The following LINGO1 variants were observed in gnomAD, a reference collection of about 807,000 sequenced individuals.
LINGO1 encodes the protein leucine-rich repeat and immunoglobulin-like domain-containing nogo receptor-interacting protein 1.
LINGO1 carries 11 observed loss-of-function variants against 37.3 expected under a neutral mutation model. The observed-to-expected ratio is 0.29, with a 90% CI of 0.19 to 0.49. The LOEUF is 0.49. Among genes scored for constraint, LINGO1 ranks in the 20% least tolerant of loss-of-function variants. The pLI, the probability that LINGO1 is intolerant of heterozygous loss-of-function variation, is 0.99. For synonymous variants in LINGO1, 387 were observed against 403.0 expected, an observed-to-expected ratio of 0.96 and a Z score of 0.48; for missense variants, 585 against 878.2, an observed-to-expected ratio of 0.67 and a Z score of 4.22.
intron 1 of LINGO1, among the ~76,000 whole-genome samples, chr15:77,738,867 G>T (rs1234614557): frequency 6.6e-6 from 1 of 152,200 alleles, no homozygotes; most frequent in African/African-American, 2.4e-5. Context: ...CGAAGCCTGT[G>T]TTCTTACTCC....
chr15:77,770,574 C>T (rs368268419), intron 1 of LINGO1, among the ~76,000 whole-genome samples: 2 of 116,512 alleles, frequency 1.7e-5, no homozygotes, highest in East Asian at 2.3e-4. Flanking sequence ...GGTAACAAAG[C>T]GAGACTCTGT....
At chr15:77,642,338 C>T (rs980652798) in intron 3 of LINGO1, among the ~76,000 whole-genome samples, 1 of 152,228 alleles carries the variant, frequency 6.6e-6, no homozygotes, top group African/African-American at 2.4e-5. Context: ...GAAACAGAGG[C>T]AGGCCTCTCG....
At chr15:77,746,207 CAAAAA>C (rs34220013) in intron 1 of LINGO1, among the ~76,000 whole-genome samples, 6 of 75,606 alleles carry the variant, frequency 7.9e-5, no homozygotes, top group African/African-American at 2.0e-4. Context: ...GACCCTGTCT[CAAAAA>C]AAAAAAAAAA....
At chr15:77,698,743 A>G (rs556310613), upstream of LINGO1, among the ~76,000 whole-genome samples, 3 of 152,314 alleles carry the variant, frequency 2.0e-5, no homozygotes, top group Admixed American at 2.0e-4. Context: ...GAGATCAGGA[A>G]TGGCAGGGCC....
upstream of LINGO1, chr15:77,634,357 C>T (rs1251901851): frequency 2.2e-6 from 1 of 456,032 alleles, no homozygotes; most frequent in Non-Finnish European, 4.4e-6. Context: ...GTCTGGAGCA[C>T]TTTCTCCTGT....
chr15:77,676,142 C>G (rs1370565076), intron 3 of LINGO1, among the ~76,000 whole-genome samples: 1 of 152,234 alleles, frequency 6.6e-6, no homozygotes, highest in Admixed American at 6.5e-5. Flanking sequence ...TAGGGACAGC[C>G]TGCGGCAGCT....
chr15:77,764,487 A>G (rs1362647855), intron 1 of LINGO1, among the ~76,000 whole-genome samples: 1 of 152,240 alleles, frequency 6.6e-6, no homozygotes, highest in Non-Finnish European at 1.5e-5. Context: ...CTGCAAATCA[A>G]TAAGAAAAAG....
intron 2 of LINGO1, among the ~76,000 whole-genome samples, chr15:77,722,754 C>T (rs1004281759): frequency 2.0e-5 from 3 of 152,172 alleles, no homozygotes; most frequent in East Asian, 1.9e-4. Context: ...GTGGAGAGTG[C>T]GTGGGTGTAG....
chr15:77,787,224 C>G (rs564779228), upstream of LINGO1: 2 of 152,310 alleles, frequency 1.3e-5, no homozygotes, highest in Non-Finnish European at 2.9e-5. Flanking sequence ...GCCAAAAGGA[C>G]GCCGCCCCCA....
At chr15:77,654,837 G>C (rs764907896) in intron 3 of LINGO1, among the ~76,000 whole-genome samples, 7 of 152,198 alleles carry the variant, frequency 4.6e-5, no homozygotes, top group Non-Finnish European at 1.0e-4. Context: ...GAAATGAGAC[G>C]TAAAGATCTT....
rs1038491452 is a variant in LINGO1 at position 77,668,996 on chromosome 15, A to G, written c.-13+8093T>C. On this transcript the variant is annotated intron_variant, in intron 3 of 3. Coordinates refer to the LINGO1 transcript ENST00000559893. ...AACTAGACGCTGGGAAGCAAAGCCC[A>G]GCGTGGCCTGAATATTTCACAGGAG... Among the ~76,000 whole-genome samples, 16 of 152,270 alleles carry G rather than the reference A, an allele frequency of 1.1e-4. 1 individual carries two copies. The highest frequency in any genetic ancestry group is 2.9e-5 in the Non-Finnish European group (2 of 68,040).
intron 2 of LINGO1, among the ~76,000 whole-genome samples, chr15:77,713,684 C>T (rs1375994764): frequency 6.6e-6 from 1 of 152,114 alleles, no homozygotes; most frequent in African/African-American, 2.4e-5. Context: ...GGTTTGTGGA[C>T]TGTGCCAACG....
At chr15:77,731,835 T>C (rs188570574) in intron 2 of LINGO1, among the ~76,000 whole-genome samples, 67 of 152,192 alleles carry the variant, frequency 4.4e-4, no homozygotes, top group Non-Finnish European at 7.8e-4. Context: ...CCCAGCTCCC[T>C]CCTGTCCAGC....
intron 2 of LINGO1, among the ~76,000 whole-genome samples, chr15:77,731,909 C>T (rs1354539938): frequency 1.3e-5 from 2 of 152,096 alleles, no homozygotes; most frequent in East Asian, 3.9e-4. Flanking sequence ...AAGCTGGAGC[C>T]GCCTCCCCCA....
chr15:77,644,607 G>A (rs1333982355), intron 3 of LINGO1, among the ~76,000 whole-genome samples: 5 of 152,238 alleles, frequency 3.3e-5, no homozygotes, highest in African/African-American at 1.2e-4. Flanking sequence ...GACAGGAAAT[G>A]GGCCCCAGAG....
intron 1 of LINGO1, among the ~76,000 whole-genome samples, chr15:77,766,315 A>AAAAAC (rs2076529071): frequency 6.8e-6 from 1 of 146,226 alleles, no homozygotes; most frequent in Non-Finnish European, 1.5e-5. Context: ...AAAAAAAAAA[A>AAAAAC]AACACACAAA....
At chr15:77,736,588 C>A (rs111693236) in intron 1 of LINGO1, among the ~76,000 whole-genome samples, 2,265 of 152,074 alleles carry the variant, frequency 0.015, 68 homozygotes, top group African/African-American at 0.053. Flanking sequence ...CATAGCAAGA[C>A]CCTGTCTCTA....
At position 77,776,488 on chromosome 15, in the gene LINGO1, A is replaced by AGCAGGAAG. The variant is rs1204753224; in HGVS notation, c.-257+10373_-257+10380dup. ...AGGCAGGAAGGCAGGAAGGCAGGAA[A>AGCAGGAAG]GCAGGAAGGCAGGAAGGCAGGAAGG... On this transcript the variant is annotated intron_variant, in intron 1 of 3. Transcript: ENST00000561686. Among the ~76,000 whole-genome samples the AGCAGGAAG allele has an allele frequency of 4.2e-3, 381 of 90,464 alleles. 19 individuals carry two copies. The highest frequency in any genetic ancestry group is 0.013 in the African/African-American group (267 of 20,140). The allele number at this position is 90,464 out of a possible 152,430, so 59.3% of individuals were successfully genotyped here.
upstream of LINGO1, among the ~76,000 whole-genome samples, chr15:77,634,762 C>A (rs984813980): frequency 1.7e-3 from 257 of 151,714 alleles, no homozygotes; most frequent in African/African-American, 5.5e-3. Flanking sequence ...ACTCCCCAGC[C>A]CCCCCACCCC....
Sources: allele counts gnomAD v4.1 joint callset (sites outside exome capture counted in the v4.1 genomes callset), GRCh38; gene constraint gnomAD v4.1.1; transcripts MANE v1.5; gene names NCBI Gene and HGNC (gene_info 2026-07-23, HGNC 2026-07-21).